Variants in GALNT11 observed in about 807,000 individuals in gnomAD.
GALNT11 encodes the protein UDP-GalNAc:polypeptide N-acetylgalactosaminyltransferase 11.
In GALNT11, 47 loss-of-function variants were observed where a neutral mutation model predicts 72.7. That is an observed-to-expected ratio of 0.65 (90% CI 0.51 to 0.82). The LOEUF is 0.82. Ranked by LOEUF, GALNT11 falls within the 40% of genes least tolerant of loss-of-function variation. The pLI is 0.00. For synonymous variants in GALNT11, 270 were observed against 286.6 expected (o/e 0.94, Z 0.58); for missense variants, 677 against 778.4 (o/e 0.87, Z 1.55).
rs2089458110 is a variant in GALNT11, at chr7:152,121,876, T to C, written c.*199T>C. 3 of 563,522 alleles carry C rather than the reference T, an allele frequency of 5.3e-6. No individual in the cohort carries two copies. Among genetic ancestry groups the C allele is most frequent in the Non-Finnish European group, 9.0e-6 (3 of 331,760 alleles). 34.9% of individuals were successfully genotyped at this position (563,522 alleles called of 1,614,324 possible). The stretch of plus-strand genomic sequence containing the variant: ...GACGGGAGCTCTGAGTGTCCACGGG[T>C]GAAGAAGTGAGTGTCCACGGGTGAA... On this transcript the variant is annotated 3_prime_UTR_variant, in exon 12 of 12. Transcript: ENST00000430044.
intron 1 of GALNT11, among the ~76,000 whole-genome samples, chr7:152,044,901 G>T (rs186991422): frequency 9.2e-5 from 14 of 151,768 alleles, no homozygotes; most frequent in African/African-American, 3.4e-4. Context: ...CCCCAATTCA[G>T]TATGATACTA....
intron 1 of GALNT11, among the ~76,000 whole-genome samples, chr7:152,066,074 G>A (rs13246359): frequency 0.067 from 10,189 of 152,264 alleles, 627 homozygotes; most frequent in East Asian, 0.2. Context: ...CTTGAGCTGC[G>A]GTGGGCTCCA....
intron 1 of GALNT11, chr7:152,093,952 G>C: frequency 2.8e-6 from 1 of 351,518 alleles, no homozygotes; most frequent in Non-Finnish European, 5.1e-6. Context: ...ATGGGCAAAT[G>C]AATCAGTCAG....
Position 152,110,428 on chromosome 7 carries a change from T to C in GALNT11, c.963-100T>C, listed in dbSNP as rs552291564. On this transcript the variant is annotated intron_variant, in intron 6 of 11. Coordinates refer to ENST00000430044, the MANE Select transcript of GALNT11 (RefSeq NM_022087.4). ...GATTCATAATCATTAATTCAATTTT[T>C]ATTAGTTATGTTCCAAAATGACACT... The C allele has an allele frequency of 6.0e-5, 50 of 833,076 alleles. No individual in the cohort carries two copies. In the African/African-American group the frequency reaches 7.9e-4, roughly 13 times the overall value. The allele number at this position is 833,076 out of a possible 1,614,324, so 51.6% of individuals were successfully genotyped here.
At chr7:152,106,568 G>C (rs1203579982) in intron 5 of GALNT11, among the ~76,000 whole-genome samples, 5 of 152,208 alleles carry the variant, frequency 3.3e-5, no homozygotes, top group African/African-American at 1.2e-4. Flanking sequence ...TGAATTGGCT[G>C]TGTGGAGTTA....
intron 5 of GALNT11, among the ~76,000 whole-genome samples, chr7:152,106,676 CTTTT>C (rs34509284): frequency 2.6e-5 from 4 of 151,974 alleles, no homozygotes; most frequent in African/African-American, 9.7e-5. Context: ...TGTGAACTGA[CTTTT>C]TTTTAGATAG....
intron 1 of GALNT11, among the ~76,000 whole-genome samples, chr7:152,063,208 C>G (rs1225320938): frequency 6.6e-6 from 1 of 152,102 alleles, no homozygotes; most frequent in East Asian, 1.9e-4. Context: ...GTGTATGTGT[C>G]CAGGAATTTA....
At chr7:152,056,690 T>C (rs1352570480) in intron 1 of GALNT11, among the ~76,000 whole-genome samples, 1 of 152,180 alleles carries the variant, frequency 6.6e-6, no homozygotes, top group East Asian at 1.9e-4. Context: ...GAGAATGGAC[T>C]CTGGAGGCTG....
intron 1 of GALNT11, among the ~76,000 whole-genome samples, chr7:152,090,083 G>A (rs1384267883): frequency 6.6e-6 from 1 of 152,128 alleles, no homozygotes; most frequent in Non-Finnish European, 1.5e-5. Flanking sequence ...CCCTGATCAA[G>A]GAAAGGGGCT....
chr7:152,046,708 A>G lies in GALNT11; in HGVS notation c.-39+20824A>G, dbSNP rs150256815. 1.1e-3 allele frequency among the ~76,000 whole-genome samples: 170 copies of G among 152,186 alleles called. 2 individuals carry two copies. The highest frequency in any genetic ancestry group is 4.0e-3 in the African/African-American group (165 of 41,526). On this transcript the variant is annotated intron_variant, in intron 1 of 11. Coordinates refer to ENST00000430044, the MANE Select transcript of GALNT11 (RefSeq NM_022087.4). ...TTTATAGGTTAAGTATGTTTCTTGT[A>G]GGCAACAGGTTGTTGGGTCTGCTTT...
intron 1 of GALNT11, among the ~76,000 whole-genome samples, chr7:152,062,074 A>G (rs552233604): frequency 2.0e-5 from 3 of 152,232 alleles, no homozygotes; most frequent in Admixed American, 6.5e-5. Context: ...CAGTATGGCC[A>G]TTTTCACGAT....
chr7:152,091,263 C>T (rs1481943550), intron 1 of GALNT11, among the ~76,000 whole-genome samples: 3 of 148,668 alleles, frequency 2.0e-5, no homozygotes, highest in East Asian at 3.9e-4. Flanking sequence ...GTGTGTGAGT[C>T]GGAGTCTCGC....
At position 152,103,109 on chromosome 7, in the gene GALNT11, C is replaced by T. The variant is rs746409174; in HGVS notation, c.420-3C>T. On this transcript the variant is annotated splice_polypyrimidine_tract_variant and splice_region_variant and intron_variant, in intron 3 of 11. Transcript: ENST00000430044. ...CAGAATTTCCTCATCTTTATCTTTA[C>T]AGATGTAAAGAAAAGTTCTACCCAC... 2.5e-6 allele frequency: 4 copies of T among 1,596,738 alleles called. No homozygotes were observed. The Admixed American group carries it at 6.7e-5, about 27-fold the overall frequency.
chr7:152,120,769 T>C, intron 10 of GALNT11, 62 bp from the exon 11 acceptor site: 1 of 1,368,658 alleles, frequency 7.3e-7, no homozygotes, highest in Non-Finnish European at 1.0e-6. Flanking sequence ...TGGAAGAATA[T>C]GCAAAGTGTT....
chr7:152,034,919 C>T (rs1021203624), intron 1 of GALNT11, among the ~76,000 whole-genome samples: 3 of 152,172 alleles, frequency 2.0e-5, no homozygotes, highest in African/African-American at 7.2e-5. Flanking sequence ...GTGGCCCTTA[C>T]TGATGCATTC....
chr7:152,059,118 T>A (rs2083858911), intron 1 of GALNT11, among the ~76,000 whole-genome samples: 1 of 152,202 alleles, frequency 6.6e-6, no homozygotes, highest in African/African-American at 2.4e-5. Flanking sequence ...TTTTGTGAGA[T>A]ACAGTTTTGC....
intron 6 of GALNT11, among the ~76,000 whole-genome samples, chr7:152,109,652 A>G (rs137871193): frequency 2.8e-4 from 43 of 152,134 alleles, no homozygotes; most frequent in African/African-American, 1.0e-3. Context: ...ATGTGATTTT[A>G]TCTTCCCATT....
rs775600686 is a variant in GALNT11, at chr7:152,094,266, C to T, written c.39C>T (p.Cys13=). The change falls in exon 2 of 12, where the codon TGC becomes TGT. Residue 13 remains cysteine, a synonymous_variant. Transcript: ENST00000430044. This position sits in a 1 kb window ranked among gnomAD's most constrained non-coding sequence, Gnocchi z 4.3. ...CAGTTCGGTATTTCTGTTATGGGTG[C>T]CTTTTTACATCTGCGACCTGGACAG... ...SVTVRYFCYG[C]LFTSATWTVL... 16 of 1,611,944 alleles carry T rather than the reference C, an allele frequency of 9.9e-6. No individual in the cohort carries two copies. The East Asian group carries it at 3.6e-4, about 36-fold the overall frequency.
chr7:152,062,451 C>T (rs984844981), intron 1 of GALNT11, among the ~76,000 whole-genome samples: 2 of 152,144 alleles, frequency 1.3e-5, no homozygotes, highest in Non-Finnish European at 2.9e-5. Flanking sequence ...ATTGAATACC[C>T]TTTATTTCTT....
Sources: gnomAD v4.1 joint callset for allele counts (sites outside exome capture counted in the v4.1 genomes callset) on GRCh38, gnomAD v4.1.1 for gene constraint, Gnocchi (gnomAD v3.1) non-coding constraint, MANE v1.5 for transcripts, NCBI Gene and HGNC (gene_info 2026-07-23, HGNC 2026-07-21) for gene names.